The following EFCAB7 variants were observed in gnomAD, a reference collection of about 807,000 sequenced individuals.
EFCAB7 encodes the protein EF-hand calcium-binding domain-containing protein 7.
Under a neutral mutation model 77.1 loss-of-function variants are expected in EFCAB7, and 66 were observed. That is an observed-to-expected ratio of 0.86 (90% confidence interval 0.70 to 1.05). The LOEUF (loss-of-function observed/expected upper bound fraction) is 1.05. Ranked by LOEUF, EFCAB7 falls within the 50% of genes least tolerant of loss-of-function variation. The pLI, the probability that EFCAB7 is intolerant of heterozygous loss-of-function variation, is 0.00. For missense variants in EFCAB7, 638 were observed against 730.5 expected (o/e 0.87, Z 1.46); for synonymous variants, 225 against 243.3 (o/e 0.92, Z 0.70).
At chr1:63,535,370 T>G (rs1646750934) in intron 6 of EFCAB7, among the ~76,000 whole-genome samples, 1 of 152,078 alleles carries the variant, frequency 6.6e-6, no homozygotes, top group South Asian at 2.1e-4. Flanking sequence ...TAAATTTTCA[T>G]TTGACTATTA....
At chr1:63,545,337 C>A (rs2100894259) in intron 6 of EFCAB7, among the ~76,000 whole-genome samples, 1 of 152,310 alleles carries the variant, frequency 6.6e-6, no homozygotes, top group Non-Finnish European at 1.5e-5. Flanking sequence ...ATCAGTCCCC[C>A]AACCCCAATC....
At chr1:63,579,912 G>A in the EFCAB7 span, among the ~76,000 whole-genome samples, 74 of 152,200 alleles carry the variant, frequency 4.9e-4, no homozygotes, top group East Asian at 0.014. Flanking sequence ...TTTTCTTACT[G>A]TTGAGTTTTG....
chr1:63,562,785 A>G (rs1263511073), intron 11 of EFCAB7, among the ~76,000 whole-genome samples: 1 of 151,960 alleles, frequency 6.6e-6, no homozygotes, highest in East Asian at 1.9e-4. Context: ...TCAGGCCACA[A>G]GTTACATAAC....
At chr1:63,538,941 A>T (rs899059223) in intron 6 of EFCAB7, among the ~76,000 whole-genome samples, 1 of 152,186 alleles carries the variant, frequency 6.6e-6, no homozygotes. Flanking sequence ...TTACTTTAAT[A>T]ACTGTTGTTC....
At chr1:63,529,729 TAATAA>T (rs1273532635) in intron 2 of EFCAB7, 1 of 151,644 alleles carries the variant, frequency 6.6e-6, no homozygotes. Flanking sequence ...ATAATAATAA[TAATAA>T]AATAAAATTT....
intron 12 of EFCAB7, chr1:63,569,427 G>A (rs981419039): frequency 3.9e-5 from 6 of 152,176 alleles, no homozygotes; most frequent in Non-Finnish European, 8.8e-5. Context: ...GTGTGCAATA[G>A]GGGTTTTATT....
chr1:63,559,843 C>CG (rs1354418689), intron 10 of EFCAB7, among the ~76,000 whole-genome samples: 1 of 152,068 alleles, frequency 6.6e-6, no homozygotes, highest in Non-Finnish European at 1.5e-5. Flanking sequence ...ATATTTATGT[C>CG]GGTCTATTTC....
At position 63,561,715 on chromosome 1, in the gene EFCAB7, T is replaced by C. The variant is rs377498850; in HGVS notation, c.1355T>C (p.Phe452Ser). 2 of 1,581,734 alleles carry C rather than the reference T, an allele frequency of 1.3e-6. No homozygotes were observed. The highest frequency in any genetic ancestry group is 1.7e-6 in the Non-Finnish European group (2 of 1,166,926). ...EDAWAVCREN[F>S]DTKRNELTRQ... ...CTTTTGGTTGTTTAAACAGAGAATTTTGATACAAAGAGGAATGAACTAACA... is the reference window on the plus strand; with the variant it reads ...CTTTTGGTTGTTTAAACAGAGAATTCTGATACAAAGAGGAATGAACTAACA... Residue 452 changes from phenylalanine to serine, a missense_variant, in exon 11 of 14, where the codon TTT becomes TCT. Phe to Ser is a radical substitution (Grantham distance 155). Transcript: ENST00000371088.
chr1:63,577,690 G>A (rs1012340140), downstream of EFCAB7, among the ~76,000 whole-genome samples: 4 of 152,190 alleles, frequency 2.6e-5, no homozygotes, highest in African/African-American at 9.7e-5. Flanking sequence ...AGTAGTAGGT[G>A]TCATCTCTGT....
downstream of EFCAB7, among the ~76,000 whole-genome samples, chr1:63,576,319 A>C (rs533468139): frequency 7.9e-4 from 120 of 151,714 alleles, no homozygotes; most frequent in African/African-American, 2.7e-3. Flanking sequence ...GTCTCTACTA[A>C]AAATATAAAA....
At chr1:63,528,802 T>C (rs544208933) in intron 2 of EFCAB7, among the ~76,000 whole-genome samples, 1 of 152,300 alleles carries the variant, frequency 6.6e-6, no homozygotes, top group East Asian at 1.9e-4. Context: ...ATAAAAATAA[T>C]TTAGTAGTTG....
chr1:63,584,917 T>G, the EFCAB7 span, among the ~76,000 whole-genome samples: 4 of 152,212 alleles, frequency 2.6e-5, no homozygotes, highest in South Asian at 6.2e-4. Flanking sequence ...CAGGGTCAAC[T>G]GTACATTGTT....
At chr1:63,575,826 G>A (rs951986069), downstream of EFCAB7, among the ~76,000 whole-genome samples, 2 of 152,022 alleles carry the variant, frequency 1.3e-5, no homozygotes, top group African/African-American at 2.4e-5. Context: ...GGGGTCAAGC[G>A]ATTTGGTGCC....
At chr1:63,526,658 A>G (rs1279863005) in intron 2 of EFCAB7, among the ~76,000 whole-genome samples, 1 of 152,240 alleles carries the variant, frequency 6.6e-6, no homozygotes, top group Non-Finnish European at 1.5e-5. Context: ...TTTTAAAGTC[A>G]TGTTTAATTT....
chr1:63,557,031 C>T lies in EFCAB7; in HGVS notation c.1215-83C>T, dbSNP rs550666270. On this transcript the variant is annotated intron_variant, in intron 9 of 13. Transcript: ENST00000371088. ...CCAGCCTGGGTGACAGAGTGAGACT[C>T]CGTCTCAAAAAAAAAAAAAAAACCC... 5 of 1,133,914 alleles carry T rather than the reference C, an allele frequency of 4.4e-6. No individual in the cohort carries two copies. The South Asian group carries it at 7.8e-5, about 18-fold the overall frequency. The allele number at this position is 1,133,914 out of a possible 1,614,324, so 70.2% of individuals were successfully genotyped here. A position where few individuals can be genotyped will look rare whatever the true frequency, so the allele number is the denominator to read the frequency against.
chr1:63,542,549 C>G (rs1314901238), intron 6 of EFCAB7, among the ~76,000 whole-genome samples: 1 of 152,146 alleles, frequency 6.6e-6, no homozygotes, highest in African/African-American at 2.4e-5. Context: ...CAATGCTTCA[C>G]CATTTTATGC....
At chr1:63,577,625 A>C (rs913294161), downstream of EFCAB7, among the ~76,000 whole-genome samples, 1 of 152,246 alleles carries the variant, frequency 6.6e-6, no homozygotes, top group Non-Finnish European at 1.5e-5. Context: ...GGAATAGTAC[A>C]CAGGGACATC....
At position 63,571,014 on chromosome 1, in the gene EFCAB7, T is replaced by C. The variant is rs1570447237; in HGVS notation, c.1708-7T>C. Reference sequence around the variant, plus strand: ...GAATAGCAGCTTATGAAATCTTTTTTTAATAGTCAGATGAGAAAGTGATTA... The same window carrying C: ...GAATAGCAGCTTATGAAATCTTTTTCTAATAGTCAGATGAGAAAGTGATTA... On this transcript the variant is annotated splice_polypyrimidine_tract_variant and splice_region_variant and intron_variant, in intron 12 of 13. Transcript: ENST00000371088. The C allele has an allele frequency of 1.3e-6, 2 of 1,585,236 alleles. No individual in the cohort carries two copies. The highest frequency in any genetic ancestry group is 1.7e-6 in the Non-Finnish European group (2 of 1,164,358).
intron 12 of EFCAB7, chr1:63,568,756 G>A: frequency 2.7e-6 from 1 of 369,256 alleles, no homozygotes; most frequent in South Asian, 5.2e-5. Context: ...TTAAACATTT[G>A]GATATTAGTG....
Sources: gnomAD v4.1 joint callset for allele counts (sites outside exome capture counted in the v4.1 genomes callset) on GRCh38, gnomAD v4.1.1 for gene constraint, MANE v1.5 for transcripts, NCBI Gene and HGNC (gene_info 2026-07-23, HGNC 2026-07-21) for gene names.